Variants in AJAP1 observed in about 807,000 individuals in gnomAD.
AJAP1 encodes adherens junction-associated protein 1.
In AJAP1, 5 loss-of-function variants were observed where a neutral mutation model predicts 35.0. That is an observed-to-expected ratio of 0.14 (90% confidence interval 0.07 to 0.30). The LOEUF (loss-of-function observed/expected upper bound fraction) is 0.30. Ranked by LOEUF, AJAP1 falls within the 10% of genes least tolerant of loss-of-function variation. The pLI is 1.00. For synonymous variants in AJAP1, 284 were observed against 249.3 expected (o/e 1.14, Z -1.31); for missense variants, 586 against 571.0 (o/e 1.03, Z -0.27).
chr1:4,781,609 G>T (rs990769700), intron 5 of AJAP1, among the ~76,000 whole-genome samples: 1 of 152,230 alleles, frequency 6.6e-6, no homozygotes, highest in Non-Finnish European at 1.5e-5. Context: ...ATGAGGATGC[G>T]GTAGCATTTT....
chr1:4,778,949 G>A (rs1157496701), intron 5 of AJAP1, among the ~76,000 whole-genome samples: 1 of 152,226 alleles, frequency 6.6e-6, no homozygotes, highest in Non-Finnish European at 1.5e-5. Context: ...GAACCTGCAT[G>A]AACCAGTGGT....
At chr1:4,679,828 T>TA (rs1386607910) in intron 1 of AJAP1, among the ~76,000 whole-genome samples, 2 of 150,956 alleles carry the variant, frequency 1.3e-5, no homozygotes, top group Admixed American at 1.3e-4. Flanking sequence ...TGTGTGTGTG[T>TA]GTGTGTGTGT....
At chr1:4,731,001 G>A (rs1272547439) in intron 2 of AJAP1, among the ~76,000 whole-genome samples, 2 of 152,164 alleles carry the variant, frequency 1.3e-5, no homozygotes, top group Non-Finnish European at 2.9e-5. Flanking sequence ...GATTGCAAAT[G>A]TTTTCACCAT....
intron 2 of AJAP1, among the ~76,000 whole-genome samples, chr1:4,745,329 C>T (rs1210948495): frequency 1.3e-5 from 2 of 151,986 alleles, no homozygotes; most frequent in Non-Finnish European, 2.9e-5. Flanking sequence ...GGGTTCCATC[C>T]TCAGAGGGAG....
intron 2 of AJAP1, among the ~76,000 whole-genome samples, chr1:4,733,667 G>A (rs1445218101): frequency 2.6e-5 from 4 of 151,722 alleles, no homozygotes; most frequent in South Asian, 2.1e-4. Flanking sequence ...AAATCCCAGC[G>A]GGCCGGCCTT....
chr1:4,717,673 C>T (rs932425737), intron 2 of AJAP1, among the ~76,000 whole-genome samples: 1 of 152,178 alleles, frequency 6.6e-6, no homozygotes, highest in Admixed American at 6.5e-5. Context: ...GCACAGGTGA[C>T]AAGCTGGTGT....
intron 2 of AJAP1, among the ~76,000 whole-genome samples, chr1:4,745,913 C>G (rs79515132): frequency 2.6e-5 from 4 of 152,058 alleles, no homozygotes; most frequent in African/African-American, 7.2e-5. Flanking sequence ...GACCAGACTG[C>G]GGGTAAACTG....
intron 2 of AJAP1, among the ~76,000 whole-genome samples, chr1:4,745,342 G>T (rs573702555): frequency 6.6e-6 from 1 of 152,110 alleles, no homozygotes; most frequent in African/African-American, 2.4e-5. Flanking sequence ...AGAGGGAGGG[G>T]ACAGGTCTCC....
At chr1:4,664,468 C>T (rs1041259911) in intron 1 of AJAP1, among the ~76,000 whole-genome samples, 2 of 152,166 alleles carry the variant, frequency 1.3e-5, no homozygotes, top group Non-Finnish European at 2.9e-5. Flanking sequence ...TGCCAGGTGA[C>T]AGCAGCAGCC....
At chr1:4,750,471 T>C (rs1488159204) in intron 2 of AJAP1, among the ~76,000 whole-genome samples, 2 of 152,140 alleles carry the variant, frequency 1.3e-5, no homozygotes, top group East Asian at 3.9e-4. Flanking sequence ...AAGTGAAAAG[T>C]GCATGTGGCA....
intron 2 of AJAP1, among the ~76,000 whole-genome samples, chr1:4,725,419 G>A (rs141516717): frequency 9.3e-4 from 141 of 152,222 alleles, no homozygotes; most frequent in Admixed American, 2.5e-3. Flanking sequence ...CTGTCGTCAT[G>A]GTCCCCCTGG....
At chr1:4,669,847 GGCTGCTGTGAACATT>G (rs1192907225) in intron 1 of AJAP1, among the ~76,000 whole-genome samples, 6 of 152,058 alleles carry the variant, frequency 3.9e-5, no homozygotes, top group African/African-American at 4.8e-5. Flanking sequence ...TCCACCTTTT[GGCTGCTGTGAACATT>G]GCTGCTGTGA....
At chr1:4,705,296 C>G (rs1429719833) in intron 1 of AJAP1, among the ~76,000 whole-genome samples, 1 of 149,800 alleles carries the variant, frequency 6.7e-6, no homozygotes, top group Admixed American at 6.7e-5. Context: ...ATAAGAAAAC[C>G]TAGGCATTAC....
intron 2 of AJAP1, among the ~76,000 whole-genome samples, chr1:4,767,482 TCAC>T (rs1472763814): frequency 6.6e-6 from 1 of 151,504 alleles, no homozygotes; most frequent in Non-Finnish European, 1.5e-5. Flanking sequence ...ATCACCATCT[TCAC>T]CATTACCATC....
At chr1:4,663,244 G>T (rs1639042250) in intron 1 of AJAP1, among the ~76,000 whole-genome samples, 1 of 152,180 alleles carries the variant, frequency 6.6e-6, no homozygotes. Context: ...CTCCTAGAGT[G>T]CTGGGATTCC....
intron 2 of AJAP1, among the ~76,000 whole-genome samples, chr1:4,765,421 A>C (rs755528495): frequency 1.3e-5 from 2 of 152,044 alleles, no homozygotes; most frequent in Non-Finnish European, 2.9e-5. Flanking sequence ...CGAGGTAGCT[A>C]ATAGCCACCA....
intron 1 of AJAP1, among the ~76,000 whole-genome samples, chr1:4,679,970 A>T (rs1016815792): frequency 3.3e-5 from 5 of 152,218 alleles, no homozygotes; most frequent in African/African-American, 1.2e-4. Context: ...CTCATTTAAT[A>T]CTGTAGAACT....
chr1:4,745,066 G>A (rs892991100), intron 2 of AJAP1, among the ~76,000 whole-genome samples: 1 of 152,150 alleles, frequency 6.6e-6, no homozygotes, highest in Non-Finnish European at 1.5e-5. Flanking sequence ...GAAGGATTGA[G>A]TGAGCCCATC....
At position 4,712,496 on chromosome 1, in the gene AJAP1, T is replaced by A; in HGVS notation, c.626T>A (p.Leu209Gln). 1 of 1,612,696 alleles carries A rather than the reference T, an allele frequency of 6.2e-7. No homozygotes were observed. The highest frequency in any genetic ancestry group is 1.7e-4 in the Middle Eastern group (1 of 6,058). The change falls in exon 2 of 6, where the codon CTA becomes CAA. Residue 209 changes from leucine to glutamine, a missense_variant. Leu to Gln is a moderately radical substitution (Grantham distance 113). Coordinates refer to ENST00000378191, the MANE Select transcript of AJAP1 (RefSeq NM_018836.4). ...TACGGCCCCACCACGGTCTCCATCCTACAAACACGGAAGACAACTGTGGCC... is the reference window on the plus strand; with the variant it reads ...TACGGCCCCACCACGGTCTCCATCCAACAAACACGGAAGACAACTGTGGCC... Reference protein sequence around the residue: ...GVYGPTTVSILQTRKTTVAAT... With the variant: ...GVYGPTTVSIQQTRKTTVAAT...
Sources: gnomAD v4.1 joint callset for allele counts (sites outside exome capture counted in the v4.1 genomes callset) on GRCh38, gnomAD v4.1.1 for gene constraint, MANE v1.5 for transcripts, NCBI Gene and HGNC (gene_info 2026-07-23, HGNC 2026-07-21) for gene names.